The following MAF1 variants were observed in gnomAD, a reference collection of about 807,000 sequenced individuals.
MAF1 encodes repressor of RNA polymerase III transcription MAF1 homolog.
MAF1 carries 7 observed loss-of-function variants against 31.9 expected under a neutral mutation model. That is an observed-to-expected ratio of 0.22 (90% CI 0.12 to 0.41). The LOEUF (loss-of-function observed/expected upper bound fraction) is 0.41, where lower values mean the gene tolerates loss of function less well. Among genes scored for constraint, MAF1 ranks in the 10% least tolerant of loss-of-function variants. The pLI is 1.00. For missense variants in MAF1, 221 were observed against 323.1 expected, an observed-to-expected ratio of 0.68 and a Z score of 2.42; for synonymous variants, 157 against 120.0, an observed-to-expected ratio of 1.31 and a Z score of -2.02.
Position 144,106,651 on chromosome 8 carries a change from C to A in MAF1, c.597C>A (p.Val199=), listed in dbSNP as rs141000732. Residue 199 remains valine, a synonymous_variant, in exon 6 of 8, where the codon GTC becomes GTA. Transcript: ENST00000322428. ...FFYNKRLKRI[V]FFSCRSISGS... is the part of the protein sequence containing the mutation. ...ACAACAAGCGGCTCAAGCGAATCGTCTTCTTTAGCTGCCGTTCCATCAGGT... is the reference window on the plus strand; with the variant it reads ...ACAACAAGCGGCTCAAGCGAATCGTATTCTTTAGCTGCCGTTCCATCAGGT... 12 of 1,613,552 alleles carry A rather than the reference C, an allele frequency of 7.4e-6. No individual in the cohort carries two copies. The South Asian group carries it at 1.3e-4, about 18-fold the overall frequency.
In MAF1 at chr8:144,105,857, T is replaced by G. The variant is rs555906602; in HGVS notation, c.84-12T>G. On this transcript the variant is annotated splice_polypyrimidine_tract_variant and intron_variant, in intron 2 of 7. Transcript: ENST00000322428. Reference sequence around the variant, plus strand: ...GGGAAGCATGCTTCATGGTTCTCTCTGCATCCTATAGGATTGAGAGCTACT... The same window carrying G: ...GGGAAGCATGCTTCATGGTTCTCTCGGCATCCTATAGGATTGAGAGCTACT... The G allele has an allele frequency of 6.2e-7, 1 of 1,612,928 alleles. No individual in the cohort carries two copies. Among genetic ancestry groups the G allele is most frequent in the Non-Finnish European group, 8.5e-7 (1 of 1,179,986 alleles).
At position 144,107,002 on chromosome 8, in the gene MAF1, G is replaced by A. The variant is rs372939477; in HGVS notation, c.749+39G>A. On this transcript the variant is annotated intron_variant, in intron 7 of 7. Transcript: ENST00000322428. ...GCCATGACCCGGGTCCTTGAAGCCT[G>A]GAGTGGGTACAACAGGGTGGGGGCC... 360 of 1,552,022 alleles carry A rather than the reference G, an allele frequency of 2.3e-4. 1 individual carries two copies. The highest frequency in any genetic ancestry group is 3.0e-4 in the Non-Finnish European group (346 of 1,146,852).
rs891717586 is a variant in MAF1, at chr8:144,104,554, C to A, written c.-349C>A. ...CGCTCGCTCGCTCGGCTCGCTGACTCGCCGGAGCGCTCTGTGGCGGTCGGC... is the reference window on the plus strand; with the variant it reads ...CGCTCGCTCGCTCGGCTCGCTGACTAGCCGGAGCGCTCTGTGGCGGTCGGC... On this transcript the variant is annotated 5_prime_UTR_variant, in exon 1 of 8. Coordinates refer to ENST00000322428, the MANE Select transcript of MAF1 (RefSeq NM_032272.5). 1 of 152,172 alleles carries A rather than the reference C, an allele frequency of 6.6e-6. No individual in the cohort carries two copies. The highest frequency in any genetic ancestry group is 1.5e-5 in the Non-Finnish European group (1 of 68,024). The allele number at this position is 152,172 out of a possible 1,614,324, so 9.4% of individuals were successfully genotyped here. A position where few individuals can be genotyped will look rare whatever the true frequency, so the allele number is the denominator to read the frequency against.
chr8:144,105,095 T>C (rs1301452007), intron 1 of MAF1: 1 of 153,030 alleles, frequency 6.5e-6, no homozygotes, highest in East Asian at 1.9e-4. Flanking sequence ...GAGGAACCTG[T>C]AGTTTTCCTC....
chr8:144,107,178 C>T lies in MAF1; in HGVS notation c.*69C>T. Reference sequence around the variant, plus strand: ...GCCTGGACCTGTCCACCTGAGAGGCCCCTGGGGCCTCCCCAGCTGCTGGCC... The same window carrying T: ...GCCTGGACCTGTCCACCTGAGAGGCTCCTGGGGCCTCCCCAGCTGCTGGCC... On this transcript the variant is annotated 3_prime_UTR_variant, in exon 8 of 8. Transcript: ENST00000322428. 2 of 1,540,534 alleles carry T rather than the reference C, an allele frequency of 1.3e-6. No homozygotes were observed. The highest frequency in any genetic ancestry group is 1.8e-6 in the Non-Finnish European group (2 of 1,137,896).
chr8:144,105,661 C>T lies in MAF1; in HGVS notation c.-23C>T, dbSNP rs1476466999. 3.1e-6 allele frequency: 5 copies of T among 1,607,284 alleles called. No individual in the cohort carries two copies. The highest frequency in any genetic ancestry group is 4.3e-6 in the Non-Finnish European group (5 of 1,174,560). On this transcript the variant is annotated 5_prime_UTR_variant, in exon 2 of 8. Coordinates refer to ENST00000322428, the MANE Select transcript of MAF1 (RefSeq NM_032272.5). ...CCAGGCAATACTAGCCCCTCTGGAG[C>T]ACGGAGCTCCTTCCCCAAAGACATG...
chr8:144,107,515 G>T lies in MAF1; in HGVS notation c.*406G>T. ...CGGCTCTGGTCTTGGGCCGGCCCCG[G>T]TGCCCACCTGTACCCCCACCTCGCC... On this transcript the variant is annotated 3_prime_UTR_variant, in exon 8 of 8. Coordinates refer to ENST00000322428, the MANE Select transcript of MAF1 (RefSeq NM_032272.5). 1 of 594,322 alleles carries T rather than the reference G, an allele frequency of 1.7e-6. No homozygotes were observed. The allele number at this position is 594,322 out of a possible 1,614,324, so 36.8% of individuals were successfully genotyped here.
chr8:144,104,876 G>C lies in MAF1; in HGVS notation c.-45+18G>C, dbSNP rs1327323631. On this transcript the variant is annotated intron_variant, in intron 1 of 7. Coordinates refer to ENST00000322428, the MANE Select transcript of MAF1 (RefSeq NM_032272.5). The stretch of plus-strand genomic sequence containing the variant: ...CCAGGCAGGTGGGTGTCCGCCCTGC[G>C]TCCCGCGCCGTCTGCGTACCCGGAA... The C allele has an allele frequency of 6.6e-6, 1 of 152,230 alleles. No homozygotes were observed. The highest frequency in any genetic ancestry group is 1.5e-5 in the Non-Finnish European group (1 of 68,068). 9.4% of individuals were successfully genotyped at this position (152,230 alleles called of 1,614,324 possible).
chr8:144,107,561 G>A lies in MAF1; in HGVS notation c.*452G>A, dbSNP rs1008065626. The A allele has an allele frequency of 1.3e-5, 8 of 618,226 alleles. No homozygotes were observed. The highest frequency in any genetic ancestry group is 2.3e-5 in the Non-Finnish European group (8 of 341,802). The allele number at this position is 618,226 out of a possible 1,614,324, so 38.3% of individuals were successfully genotyped here. On this transcript the variant is annotated 3_prime_UTR_variant, in exon 8 of 8. Coordinates refer to ENST00000322428, the MANE Select transcript of MAF1 (RefSeq NM_032272.5). The stretch of plus-strand genomic sequence containing the variant: ...TCGCCCATTTGGCCGCGTGCACTGA[G>A]TGTCACTTTGCTGCAGCTCGTTTCT...
In MAF1 at chr8:144,106,654, C is replaced by T. The variant is rs1836419547; in HGVS notation, c.600C>T (p.Phe200=). 6.2e-7 allele frequency: 1 copy of T among 1,613,468 alleles called. No individual in the cohort carries two copies. The highest frequency in any genetic ancestry group is 8.5e-7 in the Non-Finnish European group (1 of 1,179,774). ...FYNKRLKRIV[F]FSCRSISGST... ...ACAAGCGGCTCAAGCGAATCGTCTT[C>T]TTTAGCTGCCGTTCCATCAGGTGGG... is the stretch of plus-strand genomic sequence containing the variant. The change falls in exon 6 of 8, where the codon TTC becomes TTT. Residue 200 remains phenylalanine (F), a synonymous_variant. Transcript: ENST00000322428.
In MAF1 at chr8:144,105,858, G is replaced by C; in HGVS notation, c.84-11G>C. 1.2e-6 allele frequency: 2 copies of C among 1,612,932 alleles called. No homozygotes were observed. The highest frequency in any genetic ancestry group is 1.1e-5 in the South Asian group (1 of 91,078). ...GGAAGCATGCTTCATGGTTCTCTCT[G>C]CATCCTATAGGATTGAGAGCTACTC... On this transcript the variant is annotated splice_polypyrimidine_tract_variant and intron_variant, in intron 2 of 7. Transcript: ENST00000322428.
chr8:144,106,512 G>T, intron 5 of MAF1, 43 bp from the exon 6 acceptor site: 3 of 1,613,886 alleles, frequency 1.9e-6, no homozygotes, highest in Non-Finnish European at 2.5e-6. Context: ...AGGTTTGTGG[G>T]GCACTTGGCG....
In MAF1 at chr8:144,106,977, G is replaced by C; in HGVS notation, c.749+14G>C. On this transcript the variant is annotated intron_variant, in intron 7 of 7. Transcript: ENST00000322428. ...GGAGGAGGACAGGTGTGTGATGGGG[G>C]CCATGACCCGGGTCCTTGAAGCCTG... The C allele has an allele frequency of 1.3e-6, 2 of 1,540,768 alleles. No individual in the cohort carries two copies. The highest frequency in any genetic ancestry group is 1.8e-6 in the Non-Finnish European group (2 of 1,140,568).
chr8:144,105,806 C>T (rs368762041), intron 2 of MAF1, 40 bp downstream of exon 2: 15 of 1,612,710 alleles, frequency 9.3e-6, no homozygotes, highest in Admixed American at 3.3e-5. Flanking sequence ...GGAGGTCACA[C>T]TGCCGCGCCC....
In MAF1 at chr8:144,105,856, C is replaced by A; in HGVS notation, c.84-13C>A. Reference sequence around the variant, plus strand: ...GGGGAAGCATGCTTCATGGTTCTCTCTGCATCCTATAGGATTGAGAGCTAC... The same window carrying A: ...GGGGAAGCATGCTTCATGGTTCTCTATGCATCCTATAGGATTGAGAGCTAC... On this transcript the variant is annotated splice_polypyrimidine_tract_variant and intron_variant, in intron 2 of 7. Transcript: ENST00000322428. 2 of 1,612,954 alleles carry A rather than the reference C, an allele frequency of 1.2e-6. No homozygotes were observed. The highest frequency in any genetic ancestry group is 1.3e-5 in the African/African-American group (1 of 75,052).
In MAF1 at chr8:144,106,099, AGGAGGAG is replaced by A; in HGVS notation, c.239_245del (p.Glu80AlafsTer15). On this transcript the variant is annotated frameshift_variant, in exon 4 of 8. Coordinates refer to ENST00000322428, the MANE Select transcript of MAF1 (RefSeq NM_032272.5). LOFTEE classifies it high-confidence loss of function. ...AGACTCAGCAAAAGCCAAGGCGGTG[AGGAGGAG>A]GGCCCCCTCAGTGACAAGTGCAGCC... is the stretch of plus-strand genomic sequence containing the variant. 6.2e-7 allele frequency: 1 copy of A among 1,613,636 alleles called. No homozygotes were observed. The highest frequency in any genetic ancestry group is 8.5e-7 in the Non-Finnish European group (1 of 1,180,010).
At chr8:144,105,813 G>A (rs372146490) in intron 2 of MAF1, 47 bp downstream of exon 2, 88 of 1,612,788 alleles carry the variant, frequency 5.5e-5, no homozygotes, top group South Asian at 8.8e-5. Context: ...ACACTGCCGC[G>A]CCCTTCAGTG....
chr8:144,106,652 T>C lies in MAF1; in HGVS notation c.598T>C (p.Phe200Leu), dbSNP rs767842852. The change falls in exon 6 of 8, where the codon TTC (phenylalanine) becomes CTC (leucine). Residue 200 changes from phenylalanine (F) to leucine (L), a missense_variant. This residue lies in a region of MAF1 where 146 missense variants were observed against 263.1 expected (regional missense o/e 0.56). Coordinates refer to ENST00000322428, the MANE Select transcript of MAF1 (RefSeq NM_032272.5). ...CAACAAGCGGCTCAAGCGAATCGTC[T>C]TCTTTAGCTGCCGTTCCATCAGGTG... Reference protein sequence around the residue: ...FYNKRLKRIVFFSCRSISGST... With the variant: ...FYNKRLKRIVLFSCRSISGST... 1 of 1,613,396 alleles carries C rather than the reference T, an allele frequency of 6.2e-7. No individual in the cohort carries two copies. Among genetic ancestry groups the C allele is most frequent in the Non-Finnish European group, 8.5e-7 (1 of 1,179,824 alleles).
At chr8:144,107,059 A>C in intron 7 of MAF1, 29 bp from the exon 8 acceptor site, 2 of 1,572,404 alleles carry the variant, frequency 1.3e-6, no homozygotes, top group Non-Finnish European at 1.7e-6. Context: ...TGGCTCCTGA[A>C]GGCCCACTGT....
Sources: gnomAD v4.1 joint callset for allele counts on GRCh38, gnomAD v4.1.1 for gene constraint, gnomAD v4.1.1 regional missense constraint, MANE v1.5 for transcripts, NCBI Gene and HGNC (gene_info 2026-07-23, HGNC 2026-07-21) for gene names.